The following PRKCA variants were observed in gnomAD, a reference collection of about 807,000 sequenced individuals.
PRKCA encodes protein kinase C alpha.
In PRKCA, 27 loss-of-function variants were observed where a neutral mutation model predicts 87.0. The ratio of observed to expected loss-of-function variants is 0.31; its 90% CI spans 0.23 to 0.43. The LOEUF is 0.43. Among genes scored for constraint, PRKCA ranks in the 20% least tolerant of loss-of-function variants. PRKCA has a pLI of 1.00. For synonymous variants in PRKCA, 329 were observed against 311.1 expected, an observed-to-expected ratio of 1.06 and a Z score of -0.61; for missense variants, 518 against 852.3, an observed-to-expected ratio of 0.61 and a Z score of 4.88.
chr17:66,429,656 A>G (rs1162306892), intron 2 of PRKCA, among the ~76,000 whole-genome samples: 1 of 151,964 alleles, frequency 6.6e-6, no homozygotes, highest in Non-Finnish European at 1.5e-5. Context: ...GATTCTTTTC[A>G]TAGAGGGAAG....
chr17:66,474,701 T>G (rs1915467217), intron 2 of PRKCA, among the ~76,000 whole-genome samples: 1 of 152,238 alleles, frequency 6.6e-6, no homozygotes, highest in Admixed American at 6.5e-5. Flanking sequence ...CGGAAGCCCA[T>G]TTCCTCAACT....
At chr17:66,797,537 C>T (rs1219099139) in intron 16 of PRKCA, among the ~76,000 whole-genome samples, 1 of 152,198 alleles carries the variant, frequency 6.6e-6, no homozygotes, top group Non-Finnish European at 1.5e-5. Flanking sequence ...GTCTGTCCTG[C>T]CTCCTCGCTG....
chr17:66,403,304 T>A (rs1253029419), intron 2 of PRKCA, among the ~76,000 whole-genome samples: 1 of 152,192 alleles, frequency 6.6e-6, no homozygotes, highest in East Asian at 1.9e-4. Flanking sequence ...AAAGGAGATA[T>A]CATTCCTGAC....
chr17:66,589,146 C>T (rs568006261), intron 3 of PRKCA, among the ~76,000 whole-genome samples: 7 of 152,128 alleles, frequency 4.6e-5, no homozygotes, highest in Admixed American at 1.3e-4. Flanking sequence ...AAGACTTAGA[C>T]TAGCTTCTTG....
intron 2 of PRKCA, among the ~76,000 whole-genome samples, chr17:66,456,443 G>A (rs1450038490): frequency 2.6e-5 from 4 of 152,086 alleles, no homozygotes; most frequent in Admixed American, 1.3e-4. Context: ...TCCCATCCAA[G>A]GCTCTATAAG....
chr17:66,726,427 C>T (rs1238056261), intron 8 of PRKCA, among the ~76,000 whole-genome samples: 1 of 152,180 alleles, frequency 6.6e-6, no homozygotes, highest in Non-Finnish European at 1.5e-5. Context: ...GACTTGCAGT[C>T]AGGTGGCAAC....
intron 2 of PRKCA, among the ~76,000 whole-genome samples, chr17:66,476,935 T>TCTGTCCTTAACAATCCTGC: frequency 6.6e-6 from 1 of 152,356 alleles, no homozygotes; most frequent in Admixed American, 6.5e-5. Flanking sequence ...CATCATCCTG[T>TCTGTCCTTAACAATCCTGC]CTGTCCTTAA....
intron 1 of PRKCA, among the ~76,000 whole-genome samples, chr17:66,304,455 A>G (rs1306035028): frequency 6.6e-6 from 1 of 152,156 alleles, no homozygotes; most frequent in African/African-American, 2.4e-5. Flanking sequence ...AGTTCCGGGC[A>G]AGACAGAGCT....
chr17:66,752,176 G>A (rs1199898334), intron 13 of PRKCA, among the ~76,000 whole-genome samples: 1 of 152,220 alleles, frequency 6.6e-6, no homozygotes, highest in Non-Finnish European at 1.5e-5. Flanking sequence ...AGGGCTCAGT[G>A]AGTCTGGCCA....
chr17:66,351,856 T>G (rs1378496291), intron 2 of PRKCA, among the ~76,000 whole-genome samples: 1 of 152,096 alleles, frequency 6.6e-6, no homozygotes, highest in Non-Finnish European at 1.5e-5. Flanking sequence ...GCCAAGGCAC[T>G]GCTCTTTCAC....
chr17:66,687,382 C>A, intron 6 of PRKCA, 115 bp downstream of exon 6: 1 of 1,104,104 alleles, frequency 9.1e-7, no homozygotes, highest in Non-Finnish European at 1.3e-6. Context: ...TGTCTTCAGT[C>A]CTAAGACCTC....
chr17:66,453,515 G>A (rs975493460), intron 2 of PRKCA, among the ~76,000 whole-genome samples: 4 of 151,764 alleles, frequency 2.6e-5, no homozygotes, highest in African/African-American at 9.7e-5. Flanking sequence ...AACGTGTTTC[G>A]CCATGTTGAC....
At chr17:66,686,761 G>T (rs558161316) in intron 5 of PRKCA, among the ~76,000 whole-genome samples, 1 of 152,142 alleles carries the variant, frequency 6.6e-6, no homozygotes, top group Non-Finnish European at 1.5e-5. Flanking sequence ...GAGCTGCAAA[G>T]GTCACCTGGG....
chr17:66,418,881 A>T (rs985169122), intron 2 of PRKCA, among the ~76,000 whole-genome samples: 17 of 150,484 alleles, frequency 1.1e-4, no homozygotes, highest in Non-Finnish European at 1.5e-4. Flanking sequence ...CCTCCTGTGT[A>T]GCTGGGACTA....
intron 14 of PRKCA, among the ~76,000 whole-genome samples, chr17:66,779,041 C>G (rs576029306): frequency 6.6e-6 from 1 of 152,146 alleles, no homozygotes; most frequent in African/African-American, 2.4e-5. Context: ...GGCTGTCACT[C>G]AGCTCAGAAA....
chr17:66,759,013 G>C (rs1974618862), intron 13 of PRKCA, among the ~76,000 whole-genome samples: 1 of 152,136 alleles, frequency 6.6e-6, no homozygotes, highest in African/African-American at 2.4e-5. Context: ...GGATTATTTT[G>C]TTATCATAGC....
intron 1 of PRKCA, among the ~76,000 whole-genome samples, chr17:66,303,741 G>T (rs1023306605): frequency 6.6e-6 from 1 of 152,110 alleles, no homozygotes; most frequent in African/African-American, 2.4e-5. Context: ...GGTGGCTCAC[G>T]CCTGTAATCC....
At chr17:66,322,919 G>T (rs1253572481) in intron 2 of PRKCA, among the ~76,000 whole-genome samples, 1 of 152,038 alleles carries the variant, frequency 6.6e-6, no homozygotes, top group Non-Finnish European at 1.5e-5. Context: ...ACTGCCCAAG[G>T]CTAAGTAGTA....
chr17:66,353,709 C>T (rs1264412643), intron 2 of PRKCA, among the ~76,000 whole-genome samples: 2 of 152,192 alleles, frequency 1.3e-5, no homozygotes, highest in African/African-American at 2.4e-5. Flanking sequence ...GAGCAAGACT[C>T]TTTCTCAAAG....
Sources: allele counts gnomAD v4.1 joint callset (sites outside exome capture counted in the v4.1 genomes callset), GRCh38; gene constraint gnomAD v4.1.1; transcripts MANE v1.5; gene names NCBI Gene and HGNC (gene_info 2026-07-23, HGNC 2026-07-21).